RABGAP1L: variants seen among roughly 807,000 people sequenced by gnomAD.
RABGAP1L encodes rab GTPase-activating protein 1-like.
RABGAP1L carries 63 observed loss-of-function variants against 137.7 expected under a neutral mutation model. The observed-to-expected ratio is 0.46, with a 90% confidence interval of 0.37 to 0.56. The LOEUF is 0.56. Ranked by LOEUF, RABGAP1L falls within the 20% of genes least tolerant of loss-of-function variation. RABGAP1L has a pLI of 0.00. For synonymous variants in RABGAP1L, 431 were observed against 433.7 expected (o/e 0.99, Z 0.08); for missense variants, 1,095 against 1,244.0 (o/e 0.88, Z 1.80).
intron 19 of RABGAP1L, among the ~76,000 whole-genome samples, chr1:174,882,761 A>C (rs572812261): frequency 6.6e-6 from 1 of 152,324 alleles, no homozygotes; most frequent in South Asian, 2.1e-4. Context: ...CTAAGAAATT[A>C]CCTAGACCAA....
At chr1:174,596,373 C>T (rs574359208) in intron 13 of RABGAP1L, among the ~76,000 whole-genome samples, 2 of 152,186 alleles carry the variant, frequency 1.3e-5, no homozygotes, top group Non-Finnish European at 2.9e-5. Context: ...ATCTTGGTTC[C>T]TCCCTCCTCT....
chr1:174,285,023 T>G (rs1675934365), intron 10 of RABGAP1L, among the ~76,000 whole-genome samples: 1 of 152,064 alleles, frequency 6.6e-6, no homozygotes, highest in Non-Finnish European at 1.5e-5. Context: ...AGTTTTGTTT[T>G]TTGTTGTTTT....
chr1:174,377,602 G>C (rs1203917761), intron 12 of RABGAP1L, among the ~76,000 whole-genome samples: 1 of 152,064 alleles, frequency 6.6e-6, no homozygotes, highest in Admixed American at 6.6e-5. Flanking sequence ...CACATAAAAA[G>C]ATGCTCAATA....
intron 19 of RABGAP1L, chr1:174,892,711 C>T: frequency 2.0e-6 from 1 of 502,170 alleles, no homozygotes; most frequent in Non-Finnish European, 3.9e-6. Flanking sequence ...CTTCAGGCTA[C>T]CTCATTTCTT....
chr1:174,248,035 A>G (rs541597738), intron 5 of RABGAP1L, among the ~76,000 whole-genome samples: 1 of 152,332 alleles, frequency 6.6e-6, no homozygotes, highest in East Asian at 1.9e-4. Context: ...TACCCAGAGA[A>G]CTAAAAGTAG....
intron 13 of RABGAP1L, among the ~76,000 whole-genome samples, chr1:174,460,585 C>T (rs1656570270): frequency 6.6e-6 from 1 of 152,006 alleles, no homozygotes; most frequent in Non-Finnish European, 1.5e-5. Flanking sequence ...AATACTGAAG[C>T]AAACAGTGTG....
intron 5 of RABGAP1L, among the ~76,000 whole-genome samples, chr1:174,244,092 G>A (rs752997262): frequency 6.6e-6 from 1 of 152,130 alleles, no homozygotes; most frequent in East Asian, 1.9e-4. Context: ...AAGTCTTCTA[G>A]TTACATTTAC....
intron 14 of RABGAP1L, among the ~76,000 whole-genome samples, chr1:174,644,485 A>G (rs1674791146): frequency 6.6e-6 from 1 of 152,046 alleles, no homozygotes; most frequent in Non-Finnish European, 1.5e-5. Flanking sequence ...CTCTTTTTAA[A>G]AAACACTACT....
At chr1:174,188,783 C>G (rs1470312554) in intron 1 of RABGAP1L, among the ~76,000 whole-genome samples, 1 of 152,186 alleles carries the variant, frequency 6.6e-6, no homozygotes, top group East Asian at 1.9e-4. Context: ...GTGCTCTAAG[C>G]AGATGTGCTG....
At chr1:174,656,082 A>ATG (rs1288560128) in intron 14 of RABGAP1L, among the ~76,000 whole-genome samples, 3 of 152,166 alleles carry the variant, frequency 2.0e-5, no homozygotes, top group African/African-American at 7.2e-5. Context: ...ACATATATGC[A>ATG]TGTGTGTGTG....
chr1:174,875,856 C>A, intron 19 of RABGAP1L: 1 of 330,048 alleles, frequency 3.0e-6, no homozygotes, highest in Non-Finnish European at 4.3e-6. Context: ...CACTGTAGAA[C>A]AAAAATGAAG....
intron 19 of RABGAP1L, chr1:174,892,270 A>C: frequency 3.1e-6 from 1 of 319,390 alleles, no homozygotes; most frequent in Non-Finnish European, 6.0e-6. Context: ...CCCGGGACAC[A>C]GCACACTTAT....
chr1:174,247,891 G>C (rs569392577), intron 5 of RABGAP1L, among the ~76,000 whole-genome samples: 1 of 151,894 alleles, frequency 6.6e-6, no homozygotes. Context: ...ATGGGGAGCC[G>C]CTTTTTTTTT....
chr1:174,285,174 G>T (rs1248058924), intron 10 of RABGAP1L, among the ~76,000 whole-genome samples: 1 of 151,890 alleles, frequency 6.6e-6, no homozygotes, highest in Non-Finnish European at 1.5e-5. Context: ...TTGCCACCAC[G>T]CCCGGCTAAT....
chr1:174,758,038 A>G (rs1684904786), intron 18 of RABGAP1L, among the ~76,000 whole-genome samples: 2 of 150,268 alleles, frequency 1.3e-5, no homozygotes, highest in African/African-American at 2.5e-5. Flanking sequence ...AAAAAAAAAA[A>G]GAGTTCTGAA....
chr1:174,915,493 T>C (rs1429428713), intron 19 of RABGAP1L, among the ~76,000 whole-genome samples: 2 of 152,192 alleles, frequency 1.3e-5, no homozygotes, highest in Non-Finnish European at 2.9e-5. Flanking sequence ...AGTCTTGCTC[T>C]GTCACCAGGC....
intron 17 of RABGAP1L, among the ~76,000 whole-genome samples, chr1:174,749,945 T>C (rs926132173): frequency 1.3e-5 from 2 of 152,210 alleles, no homozygotes; most frequent in Middle Eastern, 3.4e-3. Context: ...TCTCGGCTCA[T>C]TGCAAGCTCC....
At chr1:174,477,455 A>G (rs1468983738) in intron 13 of RABGAP1L, among the ~76,000 whole-genome samples, 2 of 152,196 alleles carry the variant, frequency 1.3e-5, no homozygotes, top group East Asian at 3.8e-4. Flanking sequence ...TCTAGTGTAG[A>G]AAGTAGGAAA....
chr1:174,750,141 G>A (rs1323641415), intron 17 of RABGAP1L, among the ~76,000 whole-genome samples: 2 of 152,044 alleles, frequency 1.3e-5, no homozygotes, highest in Non-Finnish European at 2.9e-5. Flanking sequence ...AGTGCTTTTG[G>A]GATAAAATAG....
Sources: gnomAD v4.1 joint callset for allele counts (sites outside exome capture counted in the v4.1 genomes callset) on GRCh38, gnomAD v4.1.1 for gene constraint, MANE v1.5 for transcripts, NCBI Gene and HGNC (gene_info 2026-07-23, HGNC 2026-07-21) for gene names.